Variants in PSD3 observed in about 807,000 individuals in gnomAD.
PSD3 encodes pleckstrin and Sec7 domain containing 3, also known as PH and SEC7 domain-containing protein 3.
Under a neutral mutation model 105.5 loss-of-function variants are expected in PSD3, and 49 were observed. That is an observed-to-expected ratio of 0.46 (90% CI 0.37 to 0.59). The LOEUF (loss-of-function observed/expected upper bound fraction) is 0.59, where lower values mean the gene tolerates loss of function less well. Ranked by LOEUF, PSD3 falls within the 20% of genes least tolerant of loss-of-function variation. The pLI, the probability that PSD3 is intolerant of heterozygous loss-of-function variation, is 0.00. For synonymous variants in PSD3, 557 were observed against 457.8 expected, an observed-to-expected ratio of 1.22 and a Z score of -2.77; for missense variants, 1,561 against 1,263.8, an observed-to-expected ratio of 1.24 and a Z score of -3.57.
At chr8:18,630,911 T>C (rs771296109) in intron 11 of PSD3, among the ~76,000 whole-genome samples, 11 of 151,758 alleles carry the variant, frequency 7.2e-5, no homozygotes, top group African/African-American at 2.4e-4. Flanking sequence ...TGGGAGGATA[T>C]GCATCAGTTA....
intron 4 of PSD3, chr8:18,808,939 C>G (rs867390479): frequency 2.7e-6 from 4 of 1,458,390 alleles, no homozygotes; most frequent in Non-Finnish European, 3.6e-6. Flanking sequence ...CATTCTCAGC[C>G]GAGTGTTCAT....
At chr8:18,584,722 G>A (rs957335909) in intron 12 of PSD3, among the ~76,000 whole-genome samples, 1 of 152,174 alleles carries the variant, frequency 6.6e-6, no homozygotes, top group Non-Finnish European at 1.5e-5. Flanking sequence ...GAAATATACA[G>A]AAATGCTCTG....
At chr8:18,657,671 G>A (rs1435330588) in intron 9 of PSD3, among the ~76,000 whole-genome samples, 1 of 152,136 alleles carries the variant, frequency 6.6e-6, no homozygotes, top group Non-Finnish European at 1.5e-5. Context: ...GTTGAAAACT[G>A]GCTCAAGTCT....
Position 18,545,964 on chromosome 8 carries a change from C to G in PSD3, c.2929-10006G>C, listed in dbSNP as rs182217106. Among the ~76,000 whole-genome samples, 38 of 152,254 alleles carry G rather than the reference C, an allele frequency of 2.5e-4. No homozygotes were observed. In the East Asian group the frequency reaches 4.6e-3, roughly 19 times the overall value. ...GTGATCTCCTAAGACATTTCATCAC[C>G]TACATTTATTTATTCCTTTTGGACC... is the stretch of plus-strand genomic sequence containing the variant. On this transcript the variant is annotated intron_variant, in intron 15 of 15. Coordinates refer to ENST00000327040, the MANE Select transcript of PSD3 (RefSeq NM_015310.4).
At chr8:18,928,880 C>G (rs892612704) in intron 2 of PSD3, among the ~76,000 whole-genome samples, 8 of 151,860 alleles carry the variant, frequency 5.3e-5, no homozygotes, top group African/African-American at 1.5e-4. Context: ...CAAGGTCTCA[C>G]TATGTTGCCC....
At chr8:19,009,320 C>G (rs913482226) in intron 1 of PSD3, among the ~76,000 whole-genome samples, 2 of 152,166 alleles carry the variant, frequency 1.3e-5, no homozygotes, top group Non-Finnish European at 2.9e-5. Context: ...TTCTGCAACA[C>G]GCAATGCTAA....
intron 11 of PSD3, among the ~76,000 whole-genome samples, chr8:18,632,252 C>A (rs1251523943): frequency 1.3e-5 from 2 of 152,196 alleles, no homozygotes; most frequent in Middle Eastern, 3.4e-3. Context: ...CCCTCAACCA[C>A]CAGAAATGTA....
At chr8:18,763,636 G>A (rs1353109567) in intron 9 of PSD3, among the ~76,000 whole-genome samples, 2 of 152,226 alleles carry the variant, frequency 1.3e-5, no homozygotes, top group East Asian at 3.9e-4. Context: ...AGGAGAAAAG[G>A]AAGGCAGGAA....
intron 12 of PSD3, among the ~76,000 whole-genome samples, chr8:18,583,757 CTT>C (rs1324435994): frequency 2.0e-5 from 3 of 152,184 alleles, no homozygotes; most frequent in Non-Finnish European, 2.9e-5. Context: ...ACCCTCCTCT[CTT>C]TGTAGCATTT....
chr8:19,015,606 A>G (rs933197203), upstream of PSD3, among the ~76,000 whole-genome samples: 2 of 152,214 alleles, frequency 1.3e-5, no homozygotes, highest in African/African-American at 4.8e-5. Flanking sequence ...CCAACTCATA[A>G]ACAAACAAAA....
chr8:18,817,158 T>C (rs1256367422), intron 4 of PSD3, among the ~76,000 whole-genome samples: 2 of 152,168 alleles, frequency 1.3e-5, no homozygotes, highest in South Asian at 2.1e-4. Context: ...AATTTCAAAG[T>C]AGTCAATCAC....
intron 15 of PSD3, among the ~76,000 whole-genome samples, chr8:18,550,322 G>C (rs1342187256): frequency 1.3e-5 from 2 of 152,284 alleles, no homozygotes; most frequent in East Asian, 3.9e-4. Context: ...AAAATTCAGA[G>C]CTCTTAGTCC....
intron 1 of PSD3, among the ~76,000 whole-genome samples, chr8:19,073,583 A>G (rs1461026013): frequency 1.5e-5 from 2 of 129,844 alleles, no homozygotes; most frequent in African/African-American, 5.8e-5. Context: ...AAAAAAAAAA[A>G]GATAGGCCTA....
At chr8:18,974,598 A>T (rs1586560382) in intron 1 of PSD3, among the ~76,000 whole-genome samples, 1 of 150,640 alleles carries the variant, frequency 6.6e-6, no homozygotes, top group East Asian at 2.0e-4. Context: ...GCAAAAGGAA[A>T]CCCCACTCCC....
At chr8:18,693,552 C>G (rs532427827) in intron 9 of PSD3, among the ~76,000 whole-genome samples, 1 of 152,298 alleles carries the variant, frequency 6.6e-6, no homozygotes, top group Admixed American at 6.5e-5. Flanking sequence ...TTCCCTGTCC[C>G]TGTAAGCTGG....
chr8:18,973,372 G>A (rs1363228965), intron 1 of PSD3, among the ~76,000 whole-genome samples: 4 of 152,242 alleles, frequency 2.6e-5, no homozygotes, highest in African/African-American at 9.6e-5. Flanking sequence ...AAGGCTGGAA[G>A]TCCAAGAGCA....
rs752693663 is a variant in PSD3 at position 18,936,130 on chromosome 8, C to G, written c.34G>C (p.Val12Leu). 6.2e-7 allele frequency: 1 copy of G among 1,610,720 alleles called. No individual in the cohort carries two copies. The highest frequency in any genetic ancestry group is 8.5e-7 in the Non-Finnish European group (1 of 1,178,092). The change falls in exon 2 of 16, where the codon GTT becomes CTT. Residue 12 changes from valine to leucine, a missense_variant. Val to Leu is a conservative substitution (Grantham distance 32). Transcript: ENST00000327040. ...EGRSAAAETF[V>L]WVNNASAHSQ... ...TGTGCAGATGCATTGTTCACCCAAA[C>G]AAATGTCTCTGCCTGCAAAATAAGA...
Position 18,804,876 on chromosome 8 carries a change from G to C in PSD3, c.1657C>G (p.Arg553Gly). 1 of 1,611,704 alleles carries C rather than the reference G, an allele frequency of 6.2e-7. No homozygotes were observed. The highest frequency in any genetic ancestry group is 8.5e-7 in the Non-Finnish European group (1 of 1,178,228). Residue 553 changes from arginine to glycine, a missense_variant, in exon 5 of 16, where the codon CGG becomes GGG. Arg to Gly is a moderately radical substitution (Grantham distance 125). Transcript: ENST00000327040. ...WGSNAGVKTT[R>G]LEAHSEMGST... Reference sequence around the variant, plus strand: ...CCCATTTCAGAATGAGCTTCTAGCCGTGTTGTTTTCACCCCAGCATTGCTA... The same window carrying C: ...CCCATTTCAGAATGAGCTTCTAGCCCTGTTGTTTTCACCCCAGCATTGCTA...
chr8:18,750,460 C>A (rs1438426671), intron 9 of PSD3, among the ~76,000 whole-genome samples: 1 of 152,130 alleles, frequency 6.6e-6, no homozygotes, highest in Non-Finnish European at 1.5e-5. Context: ...AGGAGTGAAG[C>A]TGCAGATCTT....
Sources: allele counts gnomAD v4.1 joint callset (sites outside exome capture counted in the v4.1 genomes callset), GRCh38; gene constraint gnomAD v4.1.1; transcripts MANE v1.5; gene names NCBI Gene and HGNC (gene_info 2026-07-23, HGNC 2026-07-21).